Variants in TSPAN5 observed in about 807,000 individuals in gnomAD.
TSPAN5 encodes tetraspanin 5.
A neutral mutation model predicts 37.1 loss-of-function variants in TSPAN5; 10 were observed. The observed-to-expected ratio is 0.27, with a 90% CI of 0.17 to 0.46. TSPAN5 has a LOEUF of 0.46. Ranked by LOEUF, TSPAN5 falls within the 20% of genes least tolerant of loss-of-function variation. The pLI is 1.00. For synonymous variants in TSPAN5, 110 were observed against 118.9 expected, an observed-to-expected ratio of 0.93 and a Z score of 0.48; for missense variants, 195 against 326.6, an observed-to-expected ratio of 0.60 and a Z score of 3.11.
intron 1 of TSPAN5, among the ~76,000 whole-genome samples, chr4:98,627,131 TCTC>T (rs1191797644): frequency 6.6e-6 from 1 of 152,014 alleles, no homozygotes; most frequent in Non-Finnish European, 1.5e-5. Flanking sequence ...ACAGAAAACA[TCTC>T]CTAAGAAAAG....
At chr4:98,642,197 G>A (rs551698827) in intron 1 of TSPAN5, among the ~76,000 whole-genome samples, 1 of 152,260 alleles carries the variant, frequency 6.6e-6, no homozygotes, top group East Asian at 1.9e-4. Flanking sequence ...GCAAGAAAGA[G>A]GTTTAGCTTC....
At chr4:98,629,378 G>A (rs1184539734) in intron 1 of TSPAN5, among the ~76,000 whole-genome samples, 9 of 152,158 alleles carry the variant, frequency 5.9e-5, no homozygotes, top group Admixed American at 5.9e-4. Context: ...TTACTGGGAG[G>A]ATTAAATGAG....
At chr4:98,632,506 A>C (rs570832919) in intron 1 of TSPAN5, among the ~76,000 whole-genome samples, 1 of 152,210 alleles carries the variant, frequency 6.6e-6, no homozygotes, top group Admixed American at 6.5e-5. Flanking sequence ...ACTATTAATA[A>C]ATTACATGGG....
rs1259322450 is a variant in TSPAN5 at position 98,554,085 on chromosome 4, A to AT, written c.82-46358_82-46357insA. Among the ~76,000 whole-genome samples, 156 of 132,298 alleles carry AT rather than the reference A, an allele frequency of 1.2e-3. 1 individual carries two copies. Among genetic ancestry groups the AT allele is most frequent in the East Asian group, 8.4e-3 (39 of 4,652 alleles). The allele number at this position is 132,298 out of a possible 152,430, so 86.8% of individuals were successfully genotyped here. A position where few individuals can be genotyped will look rare whatever the true frequency, so the allele number is the denominator to read the frequency against. On this transcript the variant is annotated intron_variant, in intron 1 of 7. Coordinates refer to ENST00000305798, the MANE Select transcript of TSPAN5 (RefSeq NM_005723.4). Reference sequence around the variant, plus strand: ...CTATCTAAAAAAAAAATAAATTAAAAAAAAAATGTAAAAAGCAGTCTTGAT... The same window carrying AT: ...CTATCTAAAAAAAAAATAAATTAAAATAAAAAATGTAAAAAGCAGTCTTGAT...
At chr4:98,583,002 A>G (rs1285145369) in intron 1 of TSPAN5, among the ~76,000 whole-genome samples, 1 of 152,232 alleles carries the variant, frequency 6.6e-6, no homozygotes, top group Admixed American at 6.5e-5. Flanking sequence ...GGGAAGGCAG[A>G]TATACTTACC....
At chr4:98,566,095 C>A (rs905537400) in intron 1 of TSPAN5, among the ~76,000 whole-genome samples, 1 of 152,134 alleles carries the variant, frequency 6.6e-6, no homozygotes, top group Admixed American at 6.5e-5. Flanking sequence ...CAGCTGTCCG[C>A]CAGGTCTATT....
intron 1 of TSPAN5, among the ~76,000 whole-genome samples, chr4:98,581,188 A>C (rs1755362627): frequency 6.6e-6 from 1 of 152,220 alleles, no homozygotes; most frequent in Admixed American, 6.5e-5. Flanking sequence ...AAATGACCAA[A>C]AGATCTTTGA....
chr4:98,610,662 G>A (rs6852645), intron 1 of TSPAN5, among the ~76,000 whole-genome samples: 76,153 of 151,948 alleles, frequency 0.5, 19,434 homozygotes, highest in South Asian at 0.58. Flanking sequence ...ATATTCAAGC[G>A]TATGTACAAA....
rs11326064 is a variant in TSPAN5, at chr4:98,542,719, TAAAAA to T, written c.82-34996_82-34992del. On this transcript the variant is annotated intron_variant, in intron 1 of 7. Transcript: ENST00000305798. ...GGGTGACAGTGAGACCTCATCTCTTTAAAAAAAAAAAAAAAAAAAAAAGACTCCAT... is the reference window on the plus strand; with the variant it reads ...GGGTGACAGTGAGACCTCATCTCTTTAAAAAAAAAAAAAAAAAGACTCCAT... Among the ~76,000 whole-genome samples, 470 of 101,800 alleles carry T rather than the reference TAAAAA, an allele frequency of 4.6e-3. 7 individuals are homozygous for T. The highest frequency in any genetic ancestry group is 0.018 in the African/African-American group (450 of 25,572). The allele number at this position is 101,800 out of a possible 152,430, so 66.8% of individuals were successfully genotyped here.
intron 1 of TSPAN5, among the ~76,000 whole-genome samples, chr4:98,551,240 G>A (rs185325248): frequency 5.9e-4 from 90 of 152,132 alleles, no homozygotes; most frequent in Non-Finnish European, 9.6e-4. Context: ...ACCTGATCAC[G>A]GTATAGTATC....
intron 1 of TSPAN5, among the ~76,000 whole-genome samples, chr4:98,635,285 G>A (rs577577216): frequency 6.6e-6 from 1 of 152,324 alleles, no homozygotes; most frequent in Admixed American, 6.5e-5. Flanking sequence ...CCTATCCCAT[G>A]GGGAACTCAA....
rs1752589363 is a variant in TSPAN5 at position 98,471,789 on chromosome 4, C to T, written c.*733G>A. 6.6e-6 allele frequency: 1 copy of T among 152,150 alleles called. No homozygotes were observed. The highest frequency in any genetic ancestry group is 1.5e-5 in the Non-Finnish European group (1 of 68,038). 9.4% of individuals were successfully genotyped at this position (152,150 alleles called of 1,614,324 possible). A position where few individuals can be genotyped will look rare whatever the true frequency, so the allele number is the denominator to read the frequency against. Reference sequence around the variant, plus strand: ...TTAACCTCATTTTCTCCTTGAATTTCACTGATAAACAAAGCTCAGGTCTAC... The same window carrying T: ...TTAACCTCATTTTCTCCTTGAATTTTACTGATAAACAAAGCTCAGGTCTAC... On this transcript the variant is annotated 3_prime_UTR_variant, in exon 8 of 8. Coordinates refer to ENST00000305798, the MANE Select transcript of TSPAN5 (RefSeq NM_005723.4).
At chr4:98,621,998 T>A (rs1449628961) in intron 1 of TSPAN5, among the ~76,000 whole-genome samples, 1 of 152,196 alleles carries the variant, frequency 6.6e-6, no homozygotes, top group African/African-American at 2.4e-5. Context: ...ATACCACAAT[T>A]TGTTTACCCA....
intron 1 of TSPAN5, among the ~76,000 whole-genome samples, chr4:98,613,122 G>A (rs929838297): frequency 6.8e-6 from 1 of 146,216 alleles, no homozygotes; most frequent in Non-Finnish European, 1.5e-5. Flanking sequence ...ACACATCTGG[G>A]TTGAGGGCAA....
In TSPAN5 at chr4:98,543,564, C is replaced by T. The variant is rs184556751; in HGVS notation, c.82-35836G>A. ...CCAAGTAGCTGGGATTACAGGCTCC[C>T]GACACCACGCCAGGCTAATTTTTTT... On this transcript the variant is annotated intron_variant, in intron 1 of 7. Coordinates refer to ENST00000305798, the MANE Select transcript of TSPAN5 (RefSeq NM_005723.4). 3.5e-3 allele frequency among the ~76,000 whole-genome samples: 524 copies of T among 151,770 alleles called. 1 individual carries two copies. The highest frequency in any genetic ancestry group is 4.3e-3 in the Admixed American group (65 of 15,254).
At chr4:98,608,005 C>T (rs915856936) in intron 1 of TSPAN5, among the ~76,000 whole-genome samples, 20 of 152,072 alleles carry the variant, frequency 1.3e-4, no homozygotes, top group South Asian at 6.2e-4. Flanking sequence ...GCCACTGCGC[C>T]GGGCCATGAA....
At chr4:98,525,275 A>G (rs1243281126) in intron 1 of TSPAN5, among the ~76,000 whole-genome samples, 1 of 152,220 alleles carries the variant, frequency 6.6e-6, no homozygotes, top group Non-Finnish European at 1.5e-5. Flanking sequence ...CGTTTCCTTC[A>G]GTAACATTGA....
intron 2 of TSPAN5, among the ~76,000 whole-genome samples, chr4:98,492,470 T>A (rs950125868): frequency 6.6e-6 from 1 of 152,198 alleles, no homozygotes; most frequent in African/African-American, 2.4e-5. Context: ...ATGCTGGTTC[T>A]CTTTGGGTCT....
At chr4:98,656,229 C>T (rs1175956024) in intron 1 of TSPAN5, among the ~76,000 whole-genome samples, 1 of 152,204 alleles carries the variant, frequency 6.6e-6, no homozygotes, top group African/African-American at 2.4e-5. Context: ...TGTCTCTATG[C>T]ACTCCACAGA....
Sources: gnomAD v4.1 joint callset for allele counts (sites outside exome capture counted in the v4.1 genomes callset) on GRCh38, gnomAD v4.1.1 for gene constraint, MANE v1.5 for transcripts, NCBI Gene and HGNC (gene_info 2026-07-23, HGNC 2026-07-21) for gene names.